CACNA2D3: variants seen among roughly 807,000 people sequenced by gnomAD.
CACNA2D3 encodes voltage-dependent calcium channel subunit alpha-2/delta-3.
In CACNA2D3, 60 loss-of-function variants were observed where a neutral mutation model predicts 160.6. The observed-to-expected ratio is 0.37, with a 90% confidence interval of 0.30 to 0.46. The LOEUF (loss-of-function observed/expected upper bound fraction) is 0.46, where lower values mean the gene tolerates loss of function less well. Among genes scored for constraint, CACNA2D3 ranks in the 20% least tolerant of loss-of-function variants. The probability of loss-of-function intolerance (pLI) is 1.00; values close to 1 mark genes in which losing one functional copy is unlikely to be tolerated. For missense variants in CACNA2D3, 1,205 were observed against 1,365.0 expected (o/e 0.88, Z 1.85); for synonymous variants, 558 against 492.9 (o/e 1.13, Z -1.75).
chr3:54,174,141 T>C (rs1350925054), intron 2 of CACNA2D3, among the ~76,000 whole-genome samples: 1 of 152,210 alleles, frequency 6.6e-6, no homozygotes, highest in Admixed American at 6.5e-5. Context: ...CATGCCTGTA[T>C]TCCAGTACAA....
chr3:54,990,823 G>C (rs1220701386), intron 31 of CACNA2D3, among the ~76,000 whole-genome samples: 1 of 152,204 alleles, frequency 6.6e-6, no homozygotes, highest in Non-Finnish European at 1.5e-5. Flanking sequence ...TGGGTCTGTA[G>C]TGCAGGCAGA....
intron 11 of CACNA2D3, among the ~76,000 whole-genome samples, chr3:54,724,972 C>A (rs1000527703): frequency 6.6e-6 from 1 of 152,058 alleles, no homozygotes; most frequent in African/African-American, 2.4e-5. Context: ...ATTAGTGAAT[C>A]CAGGAACTGG....
Position 54,713,015 on chromosome 3 carries a change from C to T in CACNA2D3, c.1168-39584C>T, listed in dbSNP as rs773252338. 1.6e-4 allele frequency among the ~76,000 whole-genome samples: 24 copies of T among 152,134 alleles called. 1 individual carries two copies. Among genetic ancestry groups the T allele is most frequent in the South Asian group, 4.1e-4 (2 of 4,826 alleles). ...GGGGTAGGGGAACATAGTATTCTGC[C>T]CACCATACTACTCATAGGAATGTTG... On this transcript the variant is annotated intron_variant, in intron 11 of 37. Transcript: ENST00000474759.
At chr3:54,220,076 G>A (rs1336946560) in intron 2 of CACNA2D3, among the ~76,000 whole-genome samples, 1 of 152,020 alleles carries the variant, frequency 6.6e-6, no homozygotes, top group Admixed American at 6.6e-5. Context: ...GCAACGTTTT[G>A]ATTGAGAACT....
chr3:54,134,163 C>G (rs149138326), intron 2 of CACNA2D3, among the ~76,000 whole-genome samples: 3 of 152,162 alleles, frequency 2.0e-5, no homozygotes, highest in Admixed American at 2.0e-4. Flanking sequence ...CCTGGACTCA[C>G]TAGGATCGAT....
chr3:54,144,294 G>A (rs937635522), intron 2 of CACNA2D3, among the ~76,000 whole-genome samples: 5 of 152,312 alleles, frequency 3.3e-5, no homozygotes, highest in African/African-American at 1.2e-4. Flanking sequence ...TGTGGAGCAT[G>A]AAGGTTGTTG....
At chr3:54,938,641 T>A (rs1235189055) in intron 27 of CACNA2D3, among the ~76,000 whole-genome samples, 4 of 149,026 alleles carry the variant, frequency 2.7e-5, no homozygotes, top group African/African-American at 5.0e-5. Context: ...AAATTATACA[T>A]CTTGATATAG....
chr3:54,603,247 C>T (rs1258900231), intron 9 of CACNA2D3, among the ~76,000 whole-genome samples: 3 of 152,214 alleles, frequency 2.0e-5, no homozygotes, highest in African/African-American at 7.2e-5. Flanking sequence ...GAGGAAGAAG[C>T]GCTGCCCCCC....
chr3:54,996,455 A>G (rs1702861480), intron 31 of CACNA2D3, among the ~76,000 whole-genome samples: 1 of 152,192 alleles, frequency 6.6e-6, no homozygotes, highest in South Asian at 2.1e-4. Flanking sequence ...GAATTTGATC[A>G]CTTGCCCCAG....
chr3:55,039,965 T>A (rs1333564440), intron 35 of CACNA2D3, among the ~76,000 whole-genome samples: 2 of 151,328 alleles, frequency 1.3e-5, no homozygotes, highest in Non-Finnish European at 2.9e-5. Flanking sequence ...CTGGCTGCTG[T>A]TTAAAAAAAA....
chr3:54,443,826 A>G (rs1183738289), intron 4 of CACNA2D3, among the ~76,000 whole-genome samples: 2 of 152,224 alleles, frequency 1.3e-5, no homozygotes, highest in Admixed American at 1.3e-4. Flanking sequence ...CATCGGTCAT[A>G]GATCAAAGTG....
At chr3:54,443,337 TGTG>T (rs1700172332) in intron 4 of CACNA2D3, among the ~76,000 whole-genome samples, 1 of 149,676 alleles carries the variant, frequency 6.7e-6, no homozygotes, top group African/African-American at 2.5e-5. Flanking sequence ...CATGTCTGTG[TGTG>T]GTGGGTGGGC....
At chr3:54,304,600 A>C (rs542729487) in intron 2 of CACNA2D3, among the ~76,000 whole-genome samples, 39 of 152,296 alleles carry the variant, frequency 2.6e-4, no homozygotes, top group African/African-American at 8.4e-4. Flanking sequence ...CTATTTGATT[A>C]CATCTACCAT....
At chr3:54,892,905 C>G (rs1482871600) in intron 25 of CACNA2D3, among the ~76,000 whole-genome samples, 1 of 152,194 alleles carries the variant, frequency 6.6e-6, no homozygotes, top group Non-Finnish European at 1.5e-5. Context: ...CCTGGCTTAT[C>G]TCACTTGGGT....
chr3:55,040,138 G>A (rs1703925444), intron 35 of CACNA2D3, among the ~76,000 whole-genome samples: 1 of 152,122 alleles, frequency 6.6e-6, no homozygotes, highest in African/African-American at 2.4e-5. Context: ...GATAGATGGA[G>A]CAGGTTCGTC....
chr3:54,545,497 C>G (rs908221343), intron 5 of CACNA2D3, among the ~76,000 whole-genome samples: 1 of 152,176 alleles, frequency 6.6e-6, no homozygotes, highest in Non-Finnish European at 1.5e-5. Flanking sequence ...ATGTAATCTG[C>G]TGGACTTGCA....
At chr3:54,672,749 G>A (rs899743756) in intron 11 of CACNA2D3, among the ~76,000 whole-genome samples, 8 of 152,112 alleles carry the variant, frequency 5.3e-5, no homozygotes, top group African/African-American at 7.2e-5. Flanking sequence ...TCTGTGCTTC[G>A]GCTGTCCCGT....
chr3:54,373,829 A>G (rs1045988395), intron 3 of CACNA2D3, among the ~76,000 whole-genome samples: 3 of 152,082 alleles, frequency 2.0e-5, no homozygotes, highest in Non-Finnish European at 4.4e-5. Flanking sequence ...GCATGTTTTC[A>G]TCTTAAAGCC....
At chr3:54,582,332 A>G (rs1217368809) in intron 9 of CACNA2D3, among the ~76,000 whole-genome samples, 1 of 152,216 alleles carries the variant, frequency 6.6e-6, no homozygotes, top group African/African-American at 2.4e-5. Flanking sequence ...TCACTACTGT[A>G]TCCTCAATGT....
Sources: gnomAD v4.1 joint callset for allele counts (sites outside exome capture counted in the v4.1 genomes callset) on GRCh38, gnomAD v4.1.1 for gene constraint, MANE v1.5 for transcripts, NCBI Gene and HGNC (gene_info 2026-07-23, HGNC 2026-07-21) for gene names.